RARB: variants seen among roughly 807,000 people sequenced by gnomAD.
The protein encoded by RARB is retinoic acid receptor beta, also known as HBV-activated protein.
RARB carries 17 observed loss-of-function variants against 51.9 expected under a neutral mutation model. The observed-to-expected ratio is 0.33, with a 90% CI of 0.22 to 0.49. RARB has a LOEUF of 0.49. Ranked by LOEUF, RARB falls within the 20% of genes least tolerant of loss-of-function variation. RARB has a pLI of 0.99. For synonymous variants in RARB, 215 were observed against 195.4 expected (o/e 1.10, Z -0.84); for missense variants, 369 against 550.8 (o/e 0.67, Z 3.30).
intron 3 of RARB, among the ~76,000 whole-genome samples, chr3:25,086,970 A>C (rs1230838746): frequency 6.6e-6 from 1 of 152,170 alleles, no homozygotes; most frequent in Non-Finnish European, 1.5e-5. Flanking sequence ...AAAGATCTGG[A>C]AAGGGAAGGG....
At chr3:24,919,277 T>C (rs1411784264) in intron 2 of RARB, among the ~76,000 whole-genome samples, 1 of 152,212 alleles carries the variant, frequency 6.6e-6, no homozygotes, top group Non-Finnish European at 1.5e-5. Context: ...AGATTTGGTA[T>C]TGAGTTGTGT....
chr3:24,856,369 A>G (rs1405503120), intron 1 of RARB, among the ~76,000 whole-genome samples: 1 of 152,176 alleles, frequency 6.6e-6, no homozygotes, highest in Non-Finnish European at 1.5e-5. Context: ...GACTAGAAAC[A>G]TGTCCTGACC....
At chr3:24,946,519 C>T (rs1257604510) in intron 2 of RARB, among the ~76,000 whole-genome samples, 4 of 151,792 alleles carry the variant, frequency 2.6e-5, no homozygotes, top group Non-Finnish European at 5.9e-5. Flanking sequence ...GATGTTTCTA[C>T]TATAACATAA....
At chr3:25,511,378 A>G (rs1034515666) in intron 3 of RARB, among the ~76,000 whole-genome samples, 30 of 152,178 alleles carry the variant, frequency 2.0e-4, no homozygotes, top group African/African-American at 5.5e-4. Context: ...TGATCTGCCC[A>G]CCTCAGCCTC....
chr3:24,987,631 G>A (rs1269752085), intron 2 of RARB, among the ~76,000 whole-genome samples: 5 of 152,146 alleles, frequency 3.3e-5, no homozygotes, highest in Non-Finnish European at 7.4e-5. Flanking sequence ...CTAATGGCCC[G>A]GTTTTAAGAG....
At chr3:24,952,878 T>C (rs1357241836) in intron 2 of RARB, among the ~76,000 whole-genome samples, 2 of 149,970 alleles carry the variant, frequency 1.3e-5, no homozygotes, top group Non-Finnish European at 3.0e-5. Flanking sequence ...AACTGGTATT[T>C]TTTTTGTTTG....
At chr3:25,116,032 A>G (rs1320186627) in intron 3 of RARB, among the ~76,000 whole-genome samples, 2 of 152,184 alleles carry the variant, frequency 1.3e-5, no homozygotes, top group East Asian at 3.9e-4. Flanking sequence ...TGCTTTCTTG[A>G]CAGCATTCTA....
At chr3:25,463,706 C>G (rs1332351582) in intron 2 of RARB, among the ~76,000 whole-genome samples, 1 of 151,954 alleles carries the variant, frequency 6.6e-6, no homozygotes, top group African/African-American at 2.4e-5. Context: ...GTCACTCAGC[C>G]CCTCAAAGTA....
At chr3:25,183,751 A>C (rs2125358951) in intron 5 of RARB, among the ~76,000 whole-genome samples, 1 of 152,290 alleles carries the variant, frequency 6.6e-6, no homozygotes, top group Admixed American at 6.5e-5. Context: ...AGTGTCCAGA[A>C]TTCTTGGACA....
intron 1 of RARB, among the ~76,000 whole-genome samples, chr3:25,458,031 T>A (rs77257361): frequency 0.016 from 2,492 of 152,260 alleles, 31 homozygotes; most frequent in African/African-American, 0.031. Flanking sequence ...AGGGGTCACT[T>A]ACGTTGATAT....
chr3:25,581,901 G>A (rs2125307604), intron 5 of RARB, among the ~76,000 whole-genome samples: 1 of 152,258 alleles, frequency 6.6e-6, no homozygotes, highest in African/African-American at 2.4e-5. Context: ...AGAAGCAAAT[G>A]TTGTTGTTTA....
At chr3:25,028,656 G>A (rs1310942700) in intron 2 of RARB, among the ~76,000 whole-genome samples, 2 of 152,176 alleles carry the variant, frequency 1.3e-5, no homozygotes, top group Non-Finnish European at 2.9e-5. Flanking sequence ...GATAAAGGGT[G>A]TTTGTGGGAG....
At chr3:25,159,089 A>T (rs1312294118) in intron 4 of RARB, among the ~76,000 whole-genome samples, 1 of 151,432 alleles carries the variant, frequency 6.6e-6, no homozygotes, top group African/African-American at 2.4e-5. Context: ...TGATGAGAAT[A>T]TAGTAATGTC....
intron 2 of RARB, among the ~76,000 whole-genome samples, chr3:25,494,253 G>GCGCACACACA (rs1553623183): frequency 2.3e-5 from 3 of 131,852 alleles, no homozygotes; most frequent in African/African-American, 7.8e-5. Flanking sequence ...TGTATCTTAC[G>GCGCACACACA]CACACACACA....
chr3:25,054,249 T>G (rs904443642), intron 2 of RARB, among the ~76,000 whole-genome samples: 5 of 152,202 alleles, frequency 3.3e-5, no homozygotes, highest in African/African-American at 1.2e-4. Flanking sequence ...TTCAGATGTT[T>G]TTTTGACAGG....
At chr3:25,335,582 C>T (rs1048880360) in intron 5 of RARB, among the ~76,000 whole-genome samples, 1 of 152,170 alleles carries the variant, frequency 6.6e-6, no homozygotes, top group East Asian at 1.9e-4. Context: ...CTTAAATTTT[C>T]TGCCCTAGGG....
rs527484982 is a variant in RARB at position 24,842,263 on chromosome 3, A to G, written c.-459+12860A>G. Among the ~76,000 whole-genome samples, 137 of 152,334 alleles carry G rather than the reference A, an allele frequency of 9.0e-4. No homozygotes were observed. In the Middle Eastern group the frequency reaches 0.014, roughly 15 times the overall value. Reference sequence around the variant, plus strand: ...TAAAACATATAAACTATTCCATTATAAATTCAAAGCTATAGTTAGGTCAGC... The same window carrying G: ...TAAAACATATAAACTATTCCATTATGAATTCAAAGCTATAGTTAGGTCAGC... On this transcript the variant is annotated intron_variant, in intron 1 of 11. Coordinates refer to the RARB transcript ENST00000383772.
chr3:24,974,974 C>T (rs766011433), intron 2 of RARB, among the ~76,000 whole-genome samples: 28 of 152,140 alleles, frequency 1.8e-4, no homozygotes, highest in Non-Finnish European at 2.6e-4. Flanking sequence ...ATGGTAGCCA[C>T]AGACACCTAT....
chr3:25,104,943 C>T (rs573102886), intron 3 of RARB, among the ~76,000 whole-genome samples: 13 of 152,198 alleles, frequency 8.5e-5, no homozygotes, highest in South Asian at 2.1e-4. Flanking sequence ...CCTGTTTCTT[C>T]GTCATGTTCT....
Sources: gnomAD v4.1 joint callset for allele counts (sites outside exome capture counted in the v4.1 genomes callset) on GRCh38, gnomAD v4.1.1 for gene constraint, MANE v1.5 for transcripts, NCBI Gene and HGNC (gene_info 2026-07-23, HGNC 2026-07-21) for gene names.